Variants in SYNDIG1 observed in about 807,000 individuals in gnomAD.
The protein encoded by SYNDIG1 is synapse differentiation inducing 1, also known as synapse differentiation-inducing gene protein 1.
SYNDIG1 carries 9 observed loss-of-function variants against 19.4 expected under a neutral mutation model. That is an observed-to-expected ratio of 0.46 (90% CI 0.28 to 0.81). The LOEUF is 0.81. SYNDIG1 is among the 30% of genes least tolerant of loss of function. The pLI, the probability that SYNDIG1 is intolerant of heterozygous loss-of-function variation, is 0.12. For synonymous variants in SYNDIG1, 141 were observed against 145.9 expected (o/e 0.97, Z 0.24); for missense variants, 311 against 343.3 (o/e 0.91, Z 0.74).
chr20:24,552,965 GC>G (rs1205615720), intron 2 of SYNDIG1, among the ~76,000 whole-genome samples: 1 of 152,068 alleles, frequency 6.6e-6, no homozygotes, highest in Non-Finnish European at 1.5e-5. Flanking sequence ...ATCCTCTCCA[GC>G]ACCTATTGTT....
At chr20:24,631,507 T>C (rs1310808437) in intron 3 of SYNDIG1, among the ~76,000 whole-genome samples, 1 of 152,244 alleles carries the variant, frequency 6.6e-6, no homozygotes, top group African/African-American at 2.4e-5. Context: ...TTCCTCATTC[T>C]TGAACCAATT....
intron 1 of SYNDIG1, among the ~76,000 whole-genome samples, chr20:24,495,962 A>T (rs2056293312): frequency 1.3e-5 from 2 of 152,062 alleles, no homozygotes. Flanking sequence ...CTCCTGCCTC[A>T]GCCTCCCGAG....
chr20:24,492,726 C>G (rs2056191989), intron 1 of SYNDIG1, among the ~76,000 whole-genome samples: 1 of 152,230 alleles, frequency 6.6e-6, no homozygotes, highest in Non-Finnish European at 1.5e-5. Context: ...GGGAGGGGCC[C>G]AGCACCCAGC....
At chr20:24,557,830 C>T (rs934032159) in intron 2 of SYNDIG1, among the ~76,000 whole-genome samples, 1 of 152,214 alleles carries the variant, frequency 6.6e-6, no homozygotes, top group African/African-American at 2.4e-5. Context: ...CCACTGCTCT[C>T]TTCAAAGCTC....
intron 3 of SYNDIG1, among the ~76,000 whole-genome samples, chr20:24,647,835 C>T (rs1477644696): frequency 6.6e-6 from 1 of 151,020 alleles, no homozygotes; most frequent in East Asian, 1.9e-4. Context: ...TCAGACTGAG[C>T]TGCTGTCACA....
intron 3 of SYNDIG1, among the ~76,000 whole-genome samples, chr20:24,590,915 A>G (rs1255949454): frequency 6.6e-6 from 1 of 152,126 alleles, no homozygotes; most frequent in Non-Finnish European, 1.5e-5. Context: ...CCAGAGCAAG[A>G]GGAAGGGAAC....
intron 3 of SYNDIG1, among the ~76,000 whole-genome samples, chr20:24,626,524 CG>C (rs2059139118): frequency 6.6e-6 from 1 of 151,352 alleles, no homozygotes. Context: ...GAATGGCGGC[CG>C]GGAAGAGGCA....
chr20:24,590,847 T>C (rs1156408484), intron 3 of SYNDIG1, among the ~76,000 whole-genome samples: 1 of 151,976 alleles, frequency 6.6e-6, no homozygotes, highest in Admixed American at 6.6e-5. Context: ...CGTGGGAGCA[T>C]TGACCGCTGA....
chr20:24,568,459 G>A lies in SYNDIG1; in HGVS notation c.481-16397G>A, dbSNP rs111841244. On this transcript the variant is annotated intron_variant, in intron 2 of 3. Coordinates refer to ENST00000376862, the MANE Select transcript of SYNDIG1 (RefSeq NM_024893.3). ...CCTAGGGCTGGTGACCTCGGGAGGC[G>A]TCTGTCATCCTCTCATTTTTATTCC... Among the ~76,000 whole-genome samples, 232 of 152,244 alleles carry A rather than the reference G, an allele frequency of 1.5e-3. 1 individual carries two copies. Among genetic ancestry groups the A allele is most frequent in the Admixed American group, 3.2e-3 (49 of 15,294 alleles).
chr20:24,621,006 C>T (rs1173839104), intron 3 of SYNDIG1, among the ~76,000 whole-genome samples: 1 of 152,146 alleles, frequency 6.6e-6, no homozygotes, highest in Non-Finnish European at 1.5e-5. Context: ...AAACACATTA[C>T]CTGATGGAGA....
intron 3 of SYNDIG1, among the ~76,000 whole-genome samples, chr20:24,640,354 CGAGA>C (rs142254268): frequency 1.0e-4 from 14 of 135,096 alleles, no homozygotes; most frequent in Admixed American, 6.9e-4. Flanking sequence ...ACATTGAGAG[CGAGA>C]GAGAGAGAGA....
chr20:24,630,903 G>A (rs2059231444), intron 3 of SYNDIG1, among the ~76,000 whole-genome samples: 2 of 152,244 alleles, frequency 1.3e-5, no homozygotes, highest in African/African-American at 2.4e-5. Context: ...AATGCCTTAG[G>A]AGCAATAAAG....
At chr20:24,501,648 C>T (rs1344072832) in intron 1 of SYNDIG1, among the ~76,000 whole-genome samples, 1 of 152,198 alleles carries the variant, frequency 6.6e-6, no homozygotes, top group Admixed American at 6.5e-5. Context: ...GTTCCCTCTT[C>T]TGGAAATGGG....
chr20:24,562,555 G>A (rs1487037452), intron 2 of SYNDIG1, among the ~76,000 whole-genome samples: 1 of 152,124 alleles, frequency 6.6e-6, no homozygotes, highest in African/African-American at 2.4e-5. Flanking sequence ...AAAGGCATTG[G>A]GGTGTGAAAT....
intron 1 of SYNDIG1, among the ~76,000 whole-genome samples, chr20:24,530,975 A>C (rs2057246562): frequency 6.6e-6 from 1 of 151,658 alleles, no homozygotes; most frequent in Admixed American, 6.6e-5. Context: ...AGCCCAGCTA[A>C]TTTTTTTGTA....
chr20:24,566,300 C>T (rs911819896), intron 2 of SYNDIG1, among the ~76,000 whole-genome samples: 5 of 152,116 alleles, frequency 3.3e-5, no homozygotes, highest in Admixed American at 1.3e-4. Flanking sequence ...AGCTCGCACA[C>T]AGTAGGCACA....
In SYNDIG1 at chr20:24,474,711, G is replaced by A. The variant is rs369613162; in HGVS notation, c.-79+4958G>A. Reference sequence around the variant, plus strand: ...AGTACTTGCGTGGATTTCAAACTGCGTCTTTCAAGAACGGCTCACTTAGGT... The same window carrying A: ...AGTACTTGCGTGGATTTCAAACTGCATCTTTCAAGAACGGCTCACTTAGGT... On this transcript the variant is annotated intron_variant, in intron 1 of 3. Coordinates refer to ENST00000376862, the MANE Select transcript of SYNDIG1 (RefSeq NM_024893.3). 2.4e-4 allele frequency among the ~76,000 whole-genome samples: 37 copies of A among 152,198 alleles called. 1 individual carries two copies. Among genetic ancestry groups the A allele is most frequent in the Non-Finnish European group, 1.0e-4 (7 of 68,042 alleles).
chr20:24,566,475 G>A (rs1031109253), intron 2 of SYNDIG1, among the ~76,000 whole-genome samples: 1 of 152,194 alleles, frequency 6.6e-6, no homozygotes, highest in Non-Finnish European at 1.5e-5. Flanking sequence ...AAAGCCCTGC[G>A]GGTATCCTGA....
intron 1 of SYNDIG1, among the ~76,000 whole-genome samples, chr20:24,536,629 CCA>C (rs1485016818): frequency 6.6e-6 from 1 of 152,132 alleles, no homozygotes; most frequent in Non-Finnish European, 1.5e-5. Context: ...GAACAGCCTT[CCA>C]CACACAGCCT....
Sources: gnomAD v4.1 joint callset for allele counts (sites outside exome capture counted in the v4.1 genomes callset) on GRCh38, gnomAD v4.1.1 for gene constraint, MANE v1.5 for transcripts, NCBI Gene and HGNC (gene_info 2026-07-23, HGNC 2026-07-21) for gene names.